The following UBE3A variants were observed in gnomAD, a reference collection of about 807,000 sequenced individuals.
UBE3A encodes ubiquitin protein ligase E3A.
A neutral mutation model predicts 83.4 loss-of-function variants in UBE3A; 6 were observed. That is an observed-to-expected ratio of 0.07 (90% CI 0.04 to 0.14). The LOEUF is 0.14. UBE3A is among the 10% of genes least tolerant of loss of function. The pLI, the probability that UBE3A is intolerant of heterozygous loss-of-function variation, is 1.00. For missense variants in UBE3A, 456 were observed against 1,036.1 expected (o/e 0.44, Z 7.69); for synonymous variants, 337 against 355.4 (o/e 0.95, Z 0.58).
At chr15:25,437,210 G>A (rs1426769761) in intron 1 of UBE3A, among the ~76,000 whole-genome samples, 6 of 152,062 alleles carry the variant, frequency 3.9e-5, no homozygotes, top group African/African-American at 1.4e-4. Context: ...TTTAAAAACA[G>A]GATCTAATTT....
intron 4 of UBE3A, among the ~76,000 whole-genome samples, chr15:25,399,164 G>A (rs1319147745): frequency 2.0e-5 from 3 of 151,892 alleles, no homozygotes; most frequent in Non-Finnish European, 4.4e-5. Flanking sequence ...TTTTCATTCT[G>A]TAGATTTTTT....
At chr15:25,347,315 T>C (rs901131061) in intron 11 of UBE3A, 3 of 152,138 alleles carry the variant, frequency 2.0e-5, no homozygotes, top group Non-Finnish European at 4.4e-5. Context: ...TTTCCATATC[T>C]CATTCCATGT....
intron 6 of UBE3A, among the ~76,000 whole-genome samples, chr15:25,366,646 C>A (rs565557376): frequency 6.6e-6 from 1 of 152,172 alleles, no homozygotes; most frequent in Non-Finnish European, 1.5e-5. Flanking sequence ...ACATCATCAT[C>A]ATCCTCTATT....
chr15:25,381,561 A>G (rs1014106340), intron 4 of UBE3A, among the ~76,000 whole-genome samples: 2 of 152,216 alleles, frequency 1.3e-5, no homozygotes, highest in Non-Finnish European at 2.9e-5. Context: ...CAGAAGGTAA[A>G]GCAGAATGAA....
intron 4 of UBE3A, among the ~76,000 whole-genome samples, chr15:25,391,368 T>A (rs1347580949): frequency 2.6e-5 from 4 of 152,230 alleles, no homozygotes; most frequent in African/African-American, 9.6e-5. Context: ...AGTTGTTCAA[T>A]GAATGTAGAG....
intron 11 of UBE3A, among the ~76,000 whole-genome samples, chr15:25,347,754 G>C (rs1257797865): frequency 1.3e-5 from 2 of 149,438 alleles, no homozygotes; most frequent in East Asian, 4.8e-4. Flanking sequence ...ATAAATCAAG[G>C]GTCTTAAAAA....
At chr15:25,352,368 G>A (rs2076632518) in intron 11 of UBE3A, among the ~76,000 whole-genome samples, 1 of 152,112 alleles carries the variant, frequency 6.6e-6, no homozygotes, top group Non-Finnish European at 1.5e-5. Flanking sequence ...CAGAGATACT[G>A]CCGGTTCAGT....
chr15:25,375,274 G>T, intron 5 of UBE3A, 191 bp downstream of exon 5: 3 of 643,502 alleles, frequency 4.7e-6, no homozygotes. Context: ...CATATGATCT[G>T]CTTCTAATTA....
At chr15:25,437,549 G>C (rs546603662) in intron 1 of UBE3A, among the ~76,000 whole-genome samples, 1 of 152,092 alleles carries the variant, frequency 6.6e-6, no homozygotes. Context: ...CATGATTGAG[G>C]TTAACTGTGC....
intron 4 of UBE3A, among the ~76,000 whole-genome samples, chr15:25,386,814 A>AC (rs1349267079): frequency 1.3e-5 from 2 of 152,104 alleles, no homozygotes; most frequent in Non-Finnish European, 2.9e-5. Flanking sequence ...AGAAAAAAAA[A>AC]CCATAAACCT....
At chr15:25,361,465 A>G (rs1219329577) in intron 6 of UBE3A, among the ~76,000 whole-genome samples, 2 of 152,080 alleles carry the variant, frequency 1.3e-5, no homozygotes, top group Non-Finnish European at 2.9e-5. Context: ...AGTGTCTAGC[A>G]TTTTCTCAAC....
At chr15:25,402,096 TC>T (rs2087282368) in intron 4 of UBE3A, among the ~76,000 whole-genome samples, 1 of 152,224 alleles carries the variant, frequency 6.6e-6, no homozygotes, top group Admixed American at 6.5e-5. Flanking sequence ...GTGTCACGTT[TC>T]CCTGACTGTT....
chr15:25,400,322 A>G (rs746886751), intron 4 of UBE3A, among the ~76,000 whole-genome samples: 5 of 152,216 alleles, frequency 3.3e-5, no homozygotes, highest in Non-Finnish European at 7.3e-5. Context: ...AGTCCATTAT[A>G]TAAAATGGTA....
At chr15:25,354,891 T>G (rs529768027) in intron 9 of UBE3A, among the ~76,000 whole-genome samples, 1 of 151,748 alleles carries the variant, frequency 6.6e-6, no homozygotes, top group Non-Finnish European at 1.5e-5. Flanking sequence ...TACATAAAAC[T>G]GTCAAGAATA....
At chr15:25,354,816 C>T (rs1233390589) in intron 9 of UBE3A, 133 bp from the exon 10 acceptor site, 5 of 828,572 alleles carry the variant, frequency 6.0e-6, no homozygotes, top group Non-Finnish European at 9.3e-6. Context: ...TTCAATTTTA[C>T]ACCTACTTCT....
chr15:25,378,981 T>G (rs1326228339), intron 4 of UBE3A, among the ~76,000 whole-genome samples: 2 of 152,166 alleles, frequency 1.3e-5, no homozygotes, highest in Non-Finnish European at 2.9e-5. Context: ...ACCTTAACAG[T>G]TAAGAGCTCG....
intron 6 of UBE3A, among the ~76,000 whole-genome samples, chr15:25,366,646 C>G (rs565557376): frequency 6.6e-6 from 1 of 152,172 alleles, no homozygotes; most frequent in African/African-American, 2.4e-5. Context: ...ACATCATCAT[C>G]ATCCTCTATT....
Position 25,409,098 on chromosome 15 carries a change from C to T in UBE3A, c.10G>A (p.Ala4Thr). 6.3e-7 allele frequency: 1 copy of T among 1,594,104 alleles called. No homozygotes were observed. The highest frequency in any genetic ancestry group is 8.6e-7 in the Non-Finnish European group (1 of 1,169,298). Residue 4 changes from alanine (A) to threonine (T), a missense_variant, in exon 3 of 13, where the codon GCT becomes ACT. Physicochemically the swap from Ala to Thr is moderately conservative, Grantham distance 58 (BLOSUM62 0). Transcript: ENST00000648336. MAT[A>T]CKRSGEPQSD... is the part of the protein sequence containing the mutation. The stretch of plus-strand genomic sequence containing the variant: ...ATAATTCAAAATTACCTTTTACAAG[C>T]TGTGGCCATTCGGTGACATCAGGGT...
chr15:25,361,586 A>G (rs1467641183), intron 6 of UBE3A, among the ~76,000 whole-genome samples: 1 of 152,162 alleles, frequency 6.6e-6, no homozygotes, highest in Non-Finnish European at 1.5e-5. Flanking sequence ...AACTGTTTAT[A>G]CTGCATTTTG....
Sources: allele counts gnomAD v4.1 joint callset (sites outside exome capture counted in the v4.1 genomes callset), GRCh38; gene constraint gnomAD v4.1.1; transcripts MANE v1.5; gene names NCBI Gene and HGNC (gene_info 2026-07-23, HGNC 2026-07-21).